Variants in B3GAT2 observed in about 807,000 individuals in gnomAD.
B3GAT2 encodes galactosylgalactosylxylosylprotein 3-beta-glucuronosyltransferase 2.
Under a neutral mutation model 27.8 loss-of-function variants are expected in B3GAT2, and 26 were observed. The observed-to-expected ratio is 0.93, with a 90% CI of 0.68 to 1.30. The LOEUF is 1.30. B3GAT2 is among the 50% of genes most tolerant of loss of function. B3GAT2 has a pLI of 0.00. For synonymous variants in B3GAT2, 218 were observed against 195.1 expected, an observed-to-expected ratio of 1.12 and a Z score of -0.98; for missense variants, 458 against 459.0, an observed-to-expected ratio of 1.00 and a Z score of 0.02.
intron 1 of B3GAT2, among the ~76,000 whole-genome samples, chr6:70,931,197 G>A (rs529525112): frequency 4.3e-4 from 66 of 152,160 alleles, no homozygotes; most frequent in Non-Finnish European, 8.4e-4. Context: ...GTTGGGGGGA[G>A]GGGGAAGGGA....
intron 1 of B3GAT2, among the ~76,000 whole-genome samples, chr6:70,954,280 G>A (rs1765616406): frequency 6.6e-6 from 1 of 152,100 alleles, no homozygotes; most frequent in Non-Finnish European, 1.5e-5. Flanking sequence ...AACGTCAGAT[G>A]GTATCTCTAA....
intron 2 of B3GAT2, among the ~76,000 whole-genome samples, chr6:70,889,170 G>A (rs1220309610): frequency 6.6e-6 from 1 of 152,058 alleles, no homozygotes; most frequent in African/African-American, 2.4e-5. Flanking sequence ...TTTTTTCTGG[G>A]AGTCAGAGGT....
rs548814631 is a variant in B3GAT2 at position 70,923,271 on chromosome 6, T to C, written c.592-28999A>G. Among the ~76,000 whole-genome samples the C allele has an allele frequency of 2.0e-5, 3 of 152,320 alleles. No individual in the cohort carries two copies. The East Asian group carries it at 5.8e-4, about 29-fold the overall frequency. ...GAAAAACTGCATCAAGTAAATTCTA[T>C]CATCAGCCCAGCCCTGAAATAAGGG... On this transcript the variant is annotated intron_variant, in intron 1 of 3. Coordinates refer to ENST00000230053, the MANE Select transcript of B3GAT2 (RefSeq NM_080742.3).
chr6:70,861,584 G>T lies in B3GAT2; in HGVS notation c.*79C>A. ...GAAGTAAAACAAACAATACCTGAAT[G>T]CTCTGTAGCCTAAACTCCAAACATC... On this transcript the variant is annotated 3_prime_UTR_variant, in exon 4 of 4. Coordinates refer to ENST00000230053, the MANE Select transcript of B3GAT2 (RefSeq NM_080742.3). 1.5e-6 allele frequency: 2 copies of T among 1,290,916 alleles called. No individual in the cohort carries two copies. Among genetic ancestry groups the T allele is most frequent in the Non-Finnish European group, 2.2e-6 (2 of 903,694 alleles). 80.0% of individuals were successfully genotyped at this position (1,290,916 alleles called of 1,614,324 possible). A position where few individuals can be genotyped will look rare whatever the true frequency, so the allele number is the denominator to read the frequency against.
chr6:70,877,152 T>C (rs1772026955), intron 2 of B3GAT2, among the ~76,000 whole-genome samples: 7 of 152,106 alleles, frequency 4.6e-5, no homozygotes, highest in Admixed American at 4.6e-4. Flanking sequence ...CTGCCTGAGG[T>C]AGAGAGACCA....
At position 70,861,705 on chromosome 6, in the gene B3GAT2, G is replaced by T. The variant is rs759372604; in HGVS notation, c.930C>A (p.Asn310Lys). Residue 310 changes from asparagine to lysine, a missense_variant, in exon 4 of 4, where the codon AAC (asparagine) becomes AAA (lysine). By Grantham distance (94) the Asn-to-Lys change is moderately conservative (BLOSUM62 0). Transcript: ENST00000230053. ...CTGTGTCCAGGTGGTACTTTGGCTCGTTGGCTAGATTAACCTTCTCTGTCC... is the reference window on the plus strand; with the variant it reads ...CTGTGTCCAGGTGGTACTTTGGCTCTTTGGCTAGATTAACCTTCTCTGTCC... ...HTRTEKVNLA[N>K]EPKYHLDTVK... 1 of 1,613,992 alleles carries T rather than the reference G, an allele frequency of 6.2e-7. No individual in the cohort carries two copies. Among genetic ancestry groups the T allele is most frequent in the Non-Finnish European group, 8.5e-7 (1 of 1,179,964 alleles).
chr6:70,932,244 C>A (rs1390994813), intron 1 of B3GAT2, among the ~76,000 whole-genome samples: 2 of 152,036 alleles, frequency 1.3e-5, no homozygotes, highest in Non-Finnish European at 2.9e-5. Context: ...TAGGGTAGTT[C>A]TTCAAAAAAC....
At chr6:70,955,800 C>A (rs769087175) in intron 1 of B3GAT2, 39 bp downstream of exon 1, 1 of 1,521,372 alleles carries the variant, frequency 6.6e-7, no homozygotes, top group Non-Finnish European at 8.8e-7. Flanking sequence ...GAGGCCCACT[C>A]CCGCCCTCGC....
rs1771580062 is a variant in B3GAT2, at chr6:70,859,144, TCA to T, written c.*2517_*2518del. 1 of 513,416 alleles carries T rather than the reference TCA, an allele frequency of 1.9e-6. No homozygotes were observed. Among genetic ancestry groups the T allele is most frequent in the Non-Finnish European group, 3.5e-6 (1 of 289,268 alleles). The allele number at this position is 513,416 out of a possible 1,614,324, so 31.8% of individuals were successfully genotyped here. A position where few individuals can be genotyped will look rare whatever the true frequency, so the allele number is the denominator to read the frequency against. ...CTAACATTAGCACAATCACTATATATCACAGTTAATTTTGCTACCACCATTTA... is the reference window on the plus strand; with the variant it reads ...CTAACATTAGCACAATCACTATATATCAGTTAATTTTGCTACCACCATTTA... On this transcript the variant is annotated 3_prime_UTR_variant, in exon 4 of 4. Coordinates refer to ENST00000230053, the MANE Select transcript of B3GAT2 (RefSeq NM_080742.3).
At position 70,878,260 on chromosome 6, in the gene B3GAT2, A is replaced by G. The variant is rs561816081; in HGVS notation, c.736+15868T>C. ...TCAGATTTAGATAAGTGTGTTAAAC[A>G]TGTCTACTATGATTATGGTTTTGTC... On this transcript the variant is annotated intron_variant, in intron 2 of 3. Transcript: ENST00000230053. 2.9e-3 allele frequency among the ~76,000 whole-genome samples: 445 copies of G among 152,302 alleles called. 2 individuals carry two copies. The highest frequency in any genetic ancestry group is 5.3e-3 in the Non-Finnish European group (362 of 68,036).
In B3GAT2 at chr6:70,956,678, G is replaced by C. The variant is rs1235555744; in HGVS notation, c.-249C>G. On this transcript the variant is annotated 5_prime_UTR_variant, in exon 1 of 4. Transcript: ENST00000230053. ...GGGCAGGGGCTGCCCCCGACTCCAG[G>C]TGAGCTGGCGGGAAGCGGGACTCGG... is the stretch of plus-strand genomic sequence containing the variant. 1 of 1,385,728 alleles carries C rather than the reference G, an allele frequency of 7.2e-7. No homozygotes were observed. The highest frequency in any genetic ancestry group is 9.3e-7 in the Non-Finnish European group (1 of 1,073,726). The allele number at this position is 1,385,728 out of a possible 1,614,324, so 85.8% of individuals were successfully genotyped here.
intron 2 of B3GAT2, among the ~76,000 whole-genome samples, chr6:70,888,308 A>T (rs1022776466): frequency 6.6e-6 from 1 of 152,070 alleles, no homozygotes; most frequent in Non-Finnish European, 1.5e-5. Flanking sequence ...ATTACCCAAC[A>T]TCACTGTATT....
rs184244989 is a variant in B3GAT2, at chr6:70,913,834, T to C, written c.592-19562A>G. ...CAATATTACCGTGTGGTTATCCATG[T>C]CTCTTTGTAGGTCTCTAAGAATTTG... On this transcript the variant is annotated intron_variant, in intron 1 of 3. Coordinates refer to ENST00000230053, the MANE Select transcript of B3GAT2 (RefSeq NM_080742.3). Among the ~76,000 whole-genome samples the C allele has an allele frequency of 2.0e-5, 3 of 152,326 alleles. No individual in the cohort carries two copies. The East Asian group carries it at 5.8e-4, about 29-fold the overall frequency.
intron 2 of B3GAT2, among the ~76,000 whole-genome samples, chr6:70,888,579 A>G (rs950538600): frequency 2.6e-5 from 4 of 152,144 alleles, no homozygotes; most frequent in Non-Finnish European, 5.9e-5. Flanking sequence ...CTGAGCCTCC[A>G]GGCCCAGCCC....
At chr6:70,876,682 T>TC (rs1160966522) in intron 2 of B3GAT2, among the ~76,000 whole-genome samples, 6 of 152,204 alleles carry the variant, frequency 3.9e-5, no homozygotes, top group African/African-American at 1.4e-4. Context: ...ATCTTTCATT[T>TC]TTCATCTTCC....
rs1765665914 is a variant in B3GAT2 at position 70,956,812 on chromosome 6, C to T, written c.-383G>A. On this transcript the variant is annotated 5_prime_UTR_variant, in exon 1 of 4. Coordinates refer to ENST00000230053, the MANE Select transcript of B3GAT2 (RefSeq NM_080742.3). The stretch of plus-strand genomic sequence containing the variant: ...AGCCGAGAAGCGGCACCCGGTGCGC[C>T]TCGCCGCTCCAGTCCGGCGGTGCTG... 2 of 1,069,196 alleles carry T rather than the reference C, an allele frequency of 1.9e-6. No individual in the cohort carries two copies. 66.2% of individuals were successfully genotyped at this position (1,069,196 alleles called of 1,614,324 possible).
chr6:70,940,597 G>A (rs1392344855), intron 1 of B3GAT2, among the ~76,000 whole-genome samples: 1 of 152,000 alleles, frequency 6.6e-6, no homozygotes, highest in East Asian at 1.9e-4. Context: ...CTATGTCCTA[G>A]GTCCACACTG....
At chr6:70,913,149 C>A (rs1183813968) in intron 1 of B3GAT2, among the ~76,000 whole-genome samples, 5 of 151,902 alleles carry the variant, frequency 3.3e-5, no homozygotes, top group Admixed American at 2.0e-4. Flanking sequence ...ATATCATTTT[C>A]CTGTCTCAAT....
intron 1 of B3GAT2, among the ~76,000 whole-genome samples, chr6:70,897,112 T>G (rs1161783983): frequency 6.6e-6 from 1 of 152,198 alleles, no homozygotes; most frequent in Non-Finnish European, 1.5e-5. Context: ...TAATACATAC[T>G]ACTAATAGTG....
Sources: allele counts gnomAD v4.1 joint callset (sites outside exome capture counted in the v4.1 genomes callset), GRCh38; gene constraint gnomAD v4.1.1; transcripts MANE v1.5; gene names NCBI Gene and HGNC (gene_info 2026-07-23, HGNC 2026-07-21).